The following COL16A1 variants were observed in gnomAD, a reference collection of about 807,000 sequenced individuals.
COL16A1 encodes the protein collagen type XVI alpha 1 chain, also known as collagen alpha-1(XVI) chain.
In COL16A1, 189 loss-of-function variants were observed where a neutral mutation model predicts 266.3. The ratio of observed to expected loss-of-function variants is 0.71; its 90% CI spans 0.63 to 0.80. The LOEUF is 0.80. COL16A1 is among the 30% of genes least tolerant of loss of function. The pLI is 0.00. For synonymous variants in COL16A1, 740 were observed against 782.3 expected (o/e 0.95, Z 0.90); for missense variants, 1,928 against 2,122.4 (o/e 0.91, Z 1.80).
intron 16 of COL16A1, 36 bp from the exon 17 acceptor site, chr1:31,692,103 G>C: frequency 6.2e-7 from 1 of 1,612,964 alleles, no homozygotes; most frequent in Non-Finnish European, 8.5e-7. Flanking sequence ...CAGGATGAGG[G>C]AAGGGCCTGG....
rs765271077 is a variant in COL16A1 at position 31,689,130 on chromosome 1, G to A, written c.1621-45C>T. 12 of 1,612,202 alleles carry A rather than the reference G, an allele frequency of 7.4e-6. No homozygotes were observed. The African/African-American group carries it at 8.0e-5, about 11-fold the overall frequency. On this transcript the variant is annotated intron_variant, in intron 23 of 70. Transcript: ENST00000373672. ...GTGGGCTGAGGCAGGGCACGATGGG[G>A]CACCCCCAAACTCCCTGGCAATATG...
In COL16A1 at chr1:31,675,072, T is replaced by G. The variant is rs1643067793; in HGVS notation, c.2827-33A>C. 3.7e-6 allele frequency: 6 copies of G among 1,612,696 alleles called. No individual in the cohort carries two copies. The South Asian group carries it at 6.6e-5, about 18-fold the overall frequency. On this transcript the variant is annotated intron_variant, in intron 43 of 70. Transcript: ENST00000373672. ...AGACAGATGTGTGGGCTCAAGCAGGTGAGGGGAAGGAACATGGAGACTTAT... is the reference window on the plus strand; with the variant it reads ...AGACAGATGTGTGGGCTCAAGCAGGGGAGGGGAAGGAACATGGAGACTTAT...
chr1:31,665,651 C>G, intron 54 of COL16A1, 33 bp from the exon 55 acceptor site: 1 of 1,609,636 alleles, frequency 6.2e-7, no homozygotes, highest in Non-Finnish European at 8.5e-7. Context: ...GTGTGCTGTG[C>G]CACCCCCTCT....
intron 8 of COL16A1, among the ~76,000 whole-genome samples, chr1:31,696,351 G>A (rs1372037571): frequency 1.7e-5 from 2 of 115,218 alleles, no homozygotes; most frequent in Non-Finnish European, 3.2e-5. Context: ...TGTGATGTCA[G>A]AGCCAACAAG....
chr1:31,658,432 C>T, intron 64 of COL16A1, 56 bp downstream of exon 64: 1 of 1,410,498 alleles, frequency 7.1e-7, no homozygotes, highest in Non-Finnish European at 9.9e-7. Context: ...GCTCAACAGG[C>T]CTTGAGCCAA....
chr1:31,678,609 A>G (rs1349732659), intron 42 of COL16A1, among the ~76,000 whole-genome samples: 2 of 152,240 alleles, frequency 1.3e-5, no homozygotes, highest in Non-Finnish European at 2.9e-5. Flanking sequence ...ACGTAAAATA[A>G]TAATAGTACT....
chr1:31,694,093 G>A (rs1329272541), intron 12 of COL16A1, 51 bp downstream of exon 12: 9 of 1,556,410 alleles, frequency 5.8e-6, no homozygotes, highest in Non-Finnish European at 7.0e-6. Context: ...TGTGGGAATG[G>A]CTGGGGATGC....
In COL16A1 at chr1:31,665,574, T is replaced by C. The variant is rs768769977; in HGVS notation, c.3492+9A>G. 2 of 1,614,168 alleles carry C rather than the reference T, an allele frequency of 1.2e-6. No individual in the cohort carries two copies. Among genetic ancestry groups the C allele is most frequent in the Non-Finnish European group, 8.5e-7 (1 of 1,180,026 alleles). On this transcript the variant is annotated intron_variant, in intron 55 of 70. Transcript: ENST00000373672. Reference sequence around the variant, plus strand: ...CAGACAGAGCTGGCTTTGTGTCTTCTTCACTCACCGGTGGGCCCGGAAAGC... The same window carrying C: ...CAGACAGAGCTGGCTTTGTGTCTTCCTCACTCACCGGTGGGCCCGGAAAGC...
intron 11 of COL16A1, 130 bp downstream of exon 11, chr1:31,695,056 G>T: frequency 2.2e-6 from 2 of 919,516 alleles, no homozygotes; most frequent in Non-Finnish European, 3.5e-6. Context: ...TCTGGGAGAT[G>T]GGCAGGGAGC....
chr1:31,684,217 A>G lies in COL16A1; in HGVS notation c.2175T>C (p.Thr725=). 6.6e-7 allele frequency: 1 copy of G among 1,505,422 alleles called. No individual in the cohort carries two copies. Among genetic ancestry groups the G allele is most frequent in the Admixed American group, 2.2e-5 (1 of 45,598 alleles). 93.3% of individuals were successfully genotyped at this position (1,505,422 alleles called of 1,614,324 possible). The change falls in exon 32 of 71, where the codon ACT becomes ACC. Residue 725 remains threonine, a synonymous_variant. Transcript: ENST00000373672. The stretch of plus-strand genomic sequence containing the variant: ...CTGTCCCCTGCAGGCTGGGGCAGGC[A>G]GTGCAGCCATCACCCTGGTCAGAGA... ...GPKGEKGDGC[T]ACPSLQGTVT...
In COL16A1 at chr1:31,685,675, T is replaced by A. The variant is rs758626340; in HGVS notation, c.1980A>T (p.Glu660Asp). The change falls in exon 29 of 71, where the codon GAA becomes GAT. Residue 660 changes from glutamate to aspartate, a missense_variant. Coordinates refer to ENST00000373672, the MANE Select transcript of COL16A1 (RefSeq NM_001856.4). This position sits in a 1 kb window ranked among gnomAD's most constrained non-coding sequence, Gnocchi z 4.0. Reference protein sequence around the residue: ...ALPGPSGEKGEPGPPGFGLPG... With the variant: ...ALPGPSGEKGDPGPPGFGLPG... ...GCAAGCCAAAGCCTGGAGGCCCAGG[T>A]TCCCCCTTCTCTCCGGATGGGCCAG... 6.2e-7 allele frequency: 1 copy of A among 1,613,686 alleles called. No individual in the cohort carries two copies. The highest frequency in any genetic ancestry group is 1.1e-5 in the South Asian group (1 of 91,052).
intron 2 of COL16A1, chr1:31,701,642 G>T: frequency 2.3e-6 from 2 of 875,900 alleles, no homozygotes; most frequent in Non-Finnish European, 2.7e-6. Context: ...AGCCGTGGAG[G>T]AGGAGAAGCA....
chr1:31,658,386 T>TCTCCTTCCTTAGAGACCCC, intron 64 of COL16A1, 102 bp downstream of exon 64: 1 of 1,013,972 alleles, frequency 9.9e-7, no homozygotes, highest in Non-Finnish European at 1.5e-6. Flanking sequence ...GCTGACAGCC[T>TCTCCTTCCTTAGAGACCCC]CTCCTTCCTT....
chr1:31,683,903 C>G (rs1420668619), intron 33 of COL16A1, 47 bp downstream of exon 33: 1 of 1,613,178 alleles, frequency 6.2e-7, no homozygotes. Flanking sequence ...CTATCCCACC[C>G]CTGCCCTCAC....
At chr1:31,673,102 G>A in intron 44 of COL16A1, 1 of 541,512 alleles carries the variant, frequency 1.8e-6, no homozygotes, top group South Asian at 1.9e-5. Context: ...AGACAGGCAT[G>A]TGGGTGGAGG....
intron 47 of COL16A1, 34 bp downstream of exon 47, chr1:31,672,382 T>G: frequency 6.2e-7 from 1 of 1,612,532 alleles, no homozygotes; most frequent in Non-Finnish European, 8.5e-7. Context: ...GGGCCCCAGC[T>G]CCCTTGAGGA....
chr1:31,660,603 G>A lies in COL16A1; in HGVS notation c.3861C>T (p.Pro1287=), dbSNP rs1049019572. 1.8e-5 allele frequency: 29 copies of A among 1,614,136 alleles called. No individual in the cohort carries two copies. The highest frequency in any genetic ancestry group is 2.2e-5 in the Non-Finnish European group (26 of 1,179,990). ...EPGAMGPQGR[P]GPPGHVGPPG... is the part of the protein sequence containing the mutation. Reference sequence around the variant, plus strand: ...AACTCACAACGTGTCCCGGGGGACCGGGTCTTCCCTGGGGTCCCATGGCAC... The same window carrying A: ...AACTCACAACGTGTCCCGGGGGACCAGGTCTTCCCTGGGGTCCCATGGCAC... Residue 1287 remains proline, a synonymous_variant, in exon 62 of 71, where the codon CCC becomes CCT. Coordinates refer to ENST00000373672, the MANE Select transcript of COL16A1 (RefSeq NM_001856.4).
At chr1:31,677,525 T>C (rs1643289178) in intron 42 of COL16A1, among the ~76,000 whole-genome samples, 1 of 152,268 alleles carries the variant, frequency 6.6e-6, no homozygotes, top group Non-Finnish European at 1.5e-5. Flanking sequence ...CCTGTTGTCC[T>C]ACTGCGGAAG....
chr1:31,700,261 G>A, intron 2 of COL16A1, 146 bp from the exon 3 acceptor site: 1 of 752,378 alleles, frequency 1.3e-6, no homozygotes, highest in Non-Finnish European at 2.2e-6. Flanking sequence ...CCTGCCTTCT[G>A]ACCCTGGCTC....
Sources: gnomAD v4.1 joint callset for allele counts (sites outside exome capture counted in the v4.1 genomes callset) on GRCh38, gnomAD v4.1.1 for gene constraint, Gnocchi (gnomAD v3.1) non-coding constraint, MANE v1.5 for transcripts, NCBI Gene and HGNC (gene_info 2026-07-23, HGNC 2026-07-21) for gene names.